The following ATG2B variants were observed in gnomAD, a reference collection of about 807,000 sequenced individuals.
ATG2B encodes autophagy-related protein 2 homolog B.
In ATG2B, 121 loss-of-function variants were observed where a neutral mutation model predicts 241.3. The observed-to-expected ratio is 0.50, with a 90% CI of 0.43 to 0.58. The LOEUF is 0.58. Ranked by LOEUF, ATG2B falls within the 20% of genes least tolerant of loss-of-function variation. The pLI, the probability that ATG2B is intolerant of heterozygous loss-of-function variation, is 0.00. For missense variants in ATG2B, 2,306 were observed against 2,491.6 expected, an observed-to-expected ratio of 0.93 and a Z score of 1.59; for synonymous variants, 858 against 876.6, an observed-to-expected ratio of 0.98 and a Z score of 0.37.
rs149210332 is a variant in ATG2B at position 96,303,140 on chromosome 14, C to T, written c.4958G>A (p.Arg1653His). The change falls in exon 33 of 42, where the codon CGT becomes CAT. Residue 1653 changes from arginine (R) to histidine (H), a missense_variant. Coordinates refer to ENST00000359933, the MANE Select transcript of ATG2B (RefSeq NM_018036.7). ...FIVQDLEIRD[R>H]LATSQMNKFL... ...TTTATTCATTTGTGATGTTGCCAAA[C>T]GATCTCGAATCTCAAGATCCTGAAC... 22 of 1,612,944 alleles carry T rather than the reference C, an allele frequency of 1.4e-5. No individual in the cohort carries two copies. Among genetic ancestry groups the T allele is most frequent in the Admixed American group, 3.3e-5 (2 of 59,816 alleles).
At chr14:96,326,107 T>G (rs1269109141) in intron 14 of ATG2B, among the ~76,000 whole-genome samples, 185 bp from the exon 15 acceptor site, 1 of 152,118 alleles carries the variant, frequency 6.6e-6, no homozygotes, top group Non-Finnish European at 1.5e-5. Context: ...GCAACAACTA[T>G]TAGCAAAAGT....
chr14:96,316,395 TACTTTGACAGCAGA>T, intron 21 of ATG2B, 124 bp downstream of exon 21: 1 of 836,140 alleles, frequency 1.2e-6, no homozygotes, highest in Non-Finnish European at 1.8e-6. Context: ...TTGTAAATAT[TACTTTGACAGCAGA>T]ATGAGAGCCC....
chr14:96,341,328 G>A (rs1348678719), intron 6 of ATG2B, among the ~76,000 whole-genome samples, 194 bp downstream of exon 6: 1 of 152,188 alleles, frequency 6.6e-6, no homozygotes, highest in Non-Finnish European at 1.5e-5. Flanking sequence ...CAACAGTAGG[G>A]CAAAGGCAGT....
chr14:96,349,119 A>G (rs930339909), intron 1 of ATG2B, among the ~76,000 whole-genome samples: 3 of 152,252 alleles, frequency 2.0e-5, no homozygotes, highest in Non-Finnish European at 4.4e-5. Context: ...TGCTATTTTA[A>G]GCTGGGACCA....
chr14:96,312,263 TTG>T, intron 25 of ATG2B, 104 bp from the exon 26 acceptor site: 1 of 784,650 alleles, frequency 1.3e-6, no homozygotes, highest in Non-Finnish European at 2.1e-6. Flanking sequence ...GGTATGAACA[TTG>T]TTGAAATCAT....
intron 32 of ATG2B, 40 bp downstream of exon 32, chr14:96,304,455 A>G: frequency 6.7e-7 from 1 of 1,497,096 alleles, no homozygotes; most frequent in Non-Finnish European, 9.3e-7. Flanking sequence ...CCCCGCCAAT[A>G]TCCTACTTAA....
In ATG2B at chr14:96,316,521, T is replaced by C. The variant is rs1485706399; in HGVS notation, c.3361+12A>G. ...TCTAAAGAGAAGAAACCAAGACACG[T>C]GTTTGTCCTACCTTTATGGTACAGA... On this transcript the variant is annotated intron_variant, in intron 21 of 41. Transcript: ENST00000359933. The C allele has an allele frequency of 1.9e-6, 3 of 1,608,206 alleles. No homozygotes were observed. The African/African-American group carries it at 4.0e-5, about 22-fold the overall frequency.
At chr14:96,353,566 CAG>C (rs996798787) in intron 1 of ATG2B, among the ~76,000 whole-genome samples, 10 of 151,916 alleles carry the variant, frequency 6.6e-5, no homozygotes, top group African/African-American at 2.4e-4. Flanking sequence ...GCTGAGGTTG[CAG>C]AGAGCCGAGA....
chr14:96,341,345 A>C (rs150572511), intron 6 of ATG2B, among the ~76,000 whole-genome samples, 177 bp downstream of exon 6: 158 of 152,336 alleles, frequency 1.0e-3, no homozygotes, highest in African/African-American at 3.6e-3. Flanking sequence ...CAGTCCTCAC[A>C]TAAATTTTGT....
Position 96,311,174 on chromosome 14 carries a change from G to A in ATG2B, c.4104C>T (p.Asp1368=), listed in dbSNP as rs372501130. The A allele has an allele frequency of 5.6e-6, 9 of 1,613,848 alleles. No homozygotes were observed. Among genetic ancestry groups the A allele is most frequent in the East Asian group, 2.2e-5 (1 of 44,882 alleles). ...NLIQYIASYG[D]LQTPNKADMK... ...TATCTGCCTTGTTAGGTGTCTGCAA[G>A]TCACCATAGCTTGCAATGTACTGAA... Residue 1368 remains aspartate, a synonymous_variant, in exon 28 of 42, where the codon GAC becomes GAT. Transcript: ENST00000359933.
chr14:96,308,165 T>A (rs1461936563), intron 29 of ATG2B, among the ~76,000 whole-genome samples: 1 of 142,342 alleles, frequency 7.0e-6, no homozygotes, highest in Non-Finnish European at 1.5e-5. Flanking sequence ...CACACACATA[T>A]ATAAATATAT....
At chr14:96,295,727 C>CCACACACACACA (rs59902412) in intron 34 of ATG2B, among the ~76,000 whole-genome samples, 167 bp from the exon 35 acceptor site, 5,440 of 145,772 alleles carry the variant, frequency 0.037, 171 homozygotes, top group African/African-American at 0.083. Flanking sequence ...CTTCCCCCCA[C>CCACACACACACA]CACACACACA....
At chr14:96,345,045 CAA>C (rs879481149) in intron 3 of ATG2B, among the ~76,000 whole-genome samples, 186 bp downstream of exon 3, 1 of 133,198 alleles carries the variant, frequency 7.5e-6, no homozygotes, top group African/African-American at 2.7e-5. Context: ...AACTAAGGTA[CAA>C]AAAAAAAAAC....
Position 96,315,565 on chromosome 14 carries a change from A to G in ATG2B, c.3380T>C (p.Ile1127Thr). 6.2e-7 allele frequency: 1 copy of G among 1,613,924 alleles called. No homozygotes were observed. The highest frequency in any genetic ancestry group is 8.5e-7 in the Non-Finnish European group (1 of 1,179,852). The change falls in exon 22 of 42, where the codon ATT becomes ACT. Residue 1127 changes from isoleucine to threonine, a missense_variant. By Grantham distance (89) the Ile-to-Thr change is moderately conservative. Coordinates refer to ENST00000359933, the MANE Select transcript of ATG2B (RefSeq NM_018036.7). ...GGGAAGTCGTGTTTCTGTCGGGAGA[A>G]TCACTCCATTCACTATGCCTAGAGA... ...LYHKGIVNGVILPTETRLPSS... is the reference protein window; with the variant it reads ...LYHKGIVNGVTLPTETRLPSS...
Position 96,290,540 on chromosome 14 carries a change from C to T in ATG2B, c.5752G>A (p.Asp1918Asn), listed in dbSNP as rs370916276. Residue 1918 changes from aspartate (D) to asparagine (N), a missense_variant, in exon 40 of 42, where the codon GAT (aspartate) becomes AAT (asparagine). Around this residue, in one of 2 missense-constraint regions of ATG2B, gnomAD observed 379 missense variants for 480.4 expected, o/e 0.79. Coordinates refer to ENST00000359933, the MANE Select transcript of ATG2B (RefSeq NM_018036.7). The surrounding 1 kb of genome is among the most constrained non-coding windows in gnomAD (Gnocchi z 4.4). ...TGAAACCCTCTGACAATGCGGCCAT[C>T]CTTCCGGTACTGCTCTATTGGGAGC... is the stretch of plus-strand genomic sequence containing the variant. ...VWLPIEQYRK[D>N]GRIVRGFQRG... 6 of 1,614,086 alleles carry T rather than the reference C, an allele frequency of 3.7e-6. No homozygotes were observed. In the African/African-American group the frequency reaches 8.0e-5, roughly 22 times the overall value.
chr14:96,319,693 A>T (rs971800546), intron 18 of ATG2B, among the ~76,000 whole-genome samples: 9 of 152,204 alleles, frequency 5.9e-5, no homozygotes, highest in Non-Finnish European at 1.0e-4. Context: ...CTGAGAGCTG[A>T]ATTACCAGTT....
intron 25 of ATG2B, 70 bp downstream of exon 25, chr14:96,312,995 G>A (rs1887202436): frequency 1.0e-6 from 1 of 974,318 alleles, no homozygotes; most frequent in Non-Finnish European, 1.5e-6. Context: ...TAATAAAATG[G>A]TTTAGGTAAA....
chr14:96,322,820 C>T (rs1887495202), intron 16 of ATG2B, 85 bp from the exon 17 acceptor site: 1 of 1,070,152 alleles, frequency 9.3e-7, no homozygotes, highest in Admixed American at 2.4e-5. Context: ...ATACACACAC[C>T]ACTGGTTAAA....
At position 96,290,020 on chromosome 14, in the gene ATG2B, G is replaced by T; in HGVS notation, c.5857-215C>A. 1.1e-6 allele frequency: 1 copy of T among 920,458 alleles called. No homozygotes were observed. The highest frequency in any genetic ancestry group is 1.5e-6 in the Non-Finnish European group (1 of 659,660). 57.0% of individuals were successfully genotyped at this position (920,458 alleles called of 1,614,324 possible). A position where few individuals can be genotyped will look rare whatever the true frequency, so the allele number is the denominator to read the frequency against. ...AATTAATAACTAACACCTGGATTGA[G>T]CTAAATTTTTAGCCCCTCCTCTGTT... On this transcript the variant is annotated intron_variant, in intron 40 of 41. Transcript: ENST00000359933. The surrounding 1 kb of genome is among the most constrained non-coding windows in gnomAD (Gnocchi z 4.4).
Sources: allele counts gnomAD v4.1 joint callset (sites outside exome capture counted in the v4.1 genomes callset), GRCh38; gene constraint gnomAD v4.1.1; regional missense constraint gnomAD v4.1.1; non-coding constraint Gnocchi (gnomAD v3.1); transcripts MANE v1.5; gene names NCBI Gene and HGNC (gene_info 2026-07-23, HGNC 2026-07-21).